SMCO2: variants seen among roughly 807,000 people sequenced by gnomAD.
SMCO2 encodes single-pass membrane and coiled-coil domain-containing protein 2.
A neutral mutation model predicts 29.5 loss-of-function variants in SMCO2; 25 were observed. That is an observed-to-expected ratio of 0.85 (90% CI 0.62 to 1.18). SMCO2 has a LOEUF of 1.18. SMCO2 is among the 50% of genes most tolerant of loss of function. SMCO2 has a pLI of 0.00. For missense variants in SMCO2, 348 were observed against 344.5 expected, an observed-to-expected ratio of 1.01 and a Z score of -0.08; for synonymous variants, 117 against 123.3, an observed-to-expected ratio of 0.95 and a Z score of 0.34.
intron 4 of SMCO2, among the ~76,000 whole-genome samples, chr12:27,485,607 T>C (rs2682710): frequency 0.12 from 18,511 of 151,710 alleles, 2,147 homozygotes; most frequent in African/African-American, 0.29. Context: ...CCATACCTGA[T>C]TAATTTTTTT....
the SMCO2 span, among the ~76,000 whole-genome samples, chr12:27,440,134 A>C: frequency 6.6e-6 from 1 of 152,222 alleles, no homozygotes; most frequent in South Asian, 2.1e-4. Flanking sequence ...AAAAAGCTCC[A>C]GTTCATCTGG....
At chr12:27,448,719 C>T in the SMCO2 span, among the ~76,000 whole-genome samples, 1 of 152,118 alleles carries the variant, frequency 6.6e-6, no homozygotes, top group Non-Finnish European at 1.5e-5. Context: ...GCAGAATAAT[C>T]AGCTTAATAT....
chr12:27,438,517 C>G, the SMCO2 span, among the ~76,000 whole-genome samples: 1 of 152,120 alleles, frequency 6.6e-6, no homozygotes, highest in African/African-American at 2.4e-5. Flanking sequence ...CTCTATTGTC[C>G]TTATTTTTCT....
At chr12:27,500,619 T>C (rs1008987463) in intron 7 of SMCO2, among the ~76,000 whole-genome samples, 1 of 150,856 alleles carries the variant, frequency 6.6e-6, no homozygotes, top group Admixed American at 6.6e-5. Context: ...ACAGTGTTTA[T>C]TTACTAGATA....
At chr12:27,472,598 T>C (rs1355596144) in intron 2 of SMCO2, among the ~76,000 whole-genome samples, 178 bp from the exon 3 acceptor site, 1 of 152,160 alleles carries the variant, frequency 6.6e-6, no homozygotes, top group Non-Finnish European at 1.5e-5. Context: ...CTATTTCTAC[T>C]TGTGAGATAT....
chr12:27,447,607 A>G, the SMCO2 span, among the ~76,000 whole-genome samples: 1 of 151,446 alleles, frequency 6.6e-6, no homozygotes, highest in African/African-American at 2.4e-5. Context: ...AAATACAAAA[A>G]CTTAGCTGGG....
the SMCO2 span, among the ~76,000 whole-genome samples, chr12:27,431,482 A>G: frequency 6.6e-6 from 1 of 152,216 alleles, no homozygotes; most frequent in Non-Finnish European, 1.5e-5. Flanking sequence ...AAGATCGAAT[A>G]CTTTAAATAC....
chr12:27,429,547 T>C, the SMCO2 span, among the ~76,000 whole-genome samples: 2 of 152,184 alleles, frequency 1.3e-5, no homozygotes, highest in African/African-American at 4.8e-5. Flanking sequence ...TATACCTTTT[T>C]TTAGCTGATT....
the SMCO2 span, among the ~76,000 whole-genome samples, chr12:27,433,548 T>C: frequency 1.3e-5 from 2 of 150,782 alleles, no homozygotes; most frequent in Non-Finnish European, 3.0e-5. Flanking sequence ...CACACATATA[T>C]CATATTCTCA....
chr12:27,464,748 G>A (rs995779929), upstream of SMCO2, among the ~76,000 whole-genome samples: 25 of 145,708 alleles, frequency 1.7e-4, no homozygotes, highest in Admixed American at 7.5e-4. Context: ...AAGTCTGGGC[G>A]TGGTGGCTCA....
chr12:27,499,317 G>C (rs1312292618), intron 7 of SMCO2, among the ~76,000 whole-genome samples: 1 of 150,838 alleles, frequency 6.6e-6, no homozygotes, highest in East Asian at 1.9e-4. Context: ...TGTGCTCAGT[G>C]AAAGACAGCC....
exon 2 of SMCO2, chr12:27,470,697 A>G: frequency 6.4e-7 from 1 of 1,551,338 alleles, no homozygotes; most frequent in Non-Finnish European, 8.7e-7. Context: ...ACTGCCAGGA[A>G]CAACAGCTGA....
chr12:27,480,636 A>G (rs1243849787), intron 4 of SMCO2, among the ~76,000 whole-genome samples: 1 of 152,132 alleles, frequency 6.6e-6, no homozygotes, highest in African/African-American at 2.4e-5. Flanking sequence ...TGTCCTCAGG[A>G]TAATGAGTGC....
At chr12:27,498,631 TG>T in intron 7 of SMCO2, 1 of 177,202 alleles carries the variant, frequency 5.6e-6, no homozygotes, top group Non-Finnish European at 1.2e-5. Flanking sequence ...TTTACCACAC[TG>T]GTCACTAGCA....
intron 3 of SMCO2, 92 bp from the exon 4 acceptor site, chr12:27,474,694 C>A: frequency 6.9e-7 from 1 of 1,452,362 alleles, no homozygotes; most frequent in Admixed American, 2.1e-5. Flanking sequence ...TGTGCTTGAC[C>A]CCAGCAAAGG....
At chr12:27,464,716 C>CAAAAAAAAAAAAAAA (rs767874837), upstream of SMCO2, among the ~76,000 whole-genome samples, 4 of 46,130 alleles carry the variant, frequency 8.7e-5, no homozygotes, top group Admixed American at 2.7e-4. Context: ...GACCCTGTCT[C>CAAAAAAAAAAAAAAA]AAAAAAAAAA....
At chr12:27,478,705 C>G (rs1324758994) in intron 4 of SMCO2, among the ~76,000 whole-genome samples, 2 of 152,114 alleles carry the variant, frequency 1.3e-5, no homozygotes, top group African/African-American at 2.4e-5. Context: ...ATCACCAGGC[C>G]CTTGAACAAT....
chr12:27,452,034 A>G, the SMCO2 span, among the ~76,000 whole-genome samples: 1 of 152,230 alleles, frequency 6.6e-6, no homozygotes, highest in Admixed American at 6.5e-5. Context: ...TTAAGAGATC[A>G]TAGCTGATAG....
chr12:27,441,146 C>A, the SMCO2 span, among the ~76,000 whole-genome samples: 12 of 146,170 alleles, frequency 8.2e-5, no homozygotes, highest in Non-Finnish European at 1.6e-4. Flanking sequence ...GTAGTCCCAG[C>A]TACTTGGGAG....
Sources: allele counts gnomAD v4.1 joint callset (sites outside exome capture counted in the v4.1 genomes callset), GRCh38; gene constraint gnomAD v4.1.1; transcripts MANE v1.5; gene names NCBI Gene and HGNC (gene_info 2026-07-23, HGNC 2026-07-21).